Variants in ATP9A observed in about 807,000 individuals in gnomAD.
The protein encoded by ATP9A is probable phospholipid-transporting ATPase IIA.
ATP9A carries 52 observed loss-of-function variants against 144.1 expected under a neutral mutation model. That is an observed-to-expected ratio of 0.36 (90% CI 0.29 to 0.45). ATP9A has a LOEUF of 0.45. Among genes scored for constraint, ATP9A ranks in the 20% least tolerant of loss-of-function variants. The probability of loss-of-function intolerance (pLI) is 1.00; values close to 1 mark genes in which losing one functional copy is unlikely to be tolerated. For missense variants in ATP9A, 947 were observed against 1,392.7 expected (o/e 0.68, Z 5.09); for synonymous variants, 582 against 557.4 (o/e 1.04, Z -0.62).
At chr20:51,604,009 G>A (rs1019239105) in intron 27 of ATP9A, among the ~76,000 whole-genome samples, 3 of 152,084 alleles carry the variant, frequency 2.0e-5, no homozygotes, top group African/African-American at 7.2e-5. Flanking sequence ...TCAAACTCCT[G>A]ACCTCGTGAT....
intron 3 of ATP9A, among the ~76,000 whole-genome samples, chr20:51,715,255 A>G (rs1431301564): frequency 1.3e-5 from 2 of 152,206 alleles, no homozygotes; most frequent in African/African-American, 4.8e-5. Flanking sequence ...ATACATCTTT[A>G]CAATCAAAGG....
Position 51,729,970 on chromosome 20 carries a change from T to C in ATP9A, c.77A>G (p.Glu26Gly). 1 of 1,542,222 alleles carries C rather than the reference T, an allele frequency of 6.5e-7. No individual in the cohort carries two copies. The highest frequency in any genetic ancestry group is 8.7e-7 in the Non-Finnish European group (1 of 1,149,824). The change falls in exon 2 of 28, where the codon GAG becomes GGG. Residue 26 changes from glutamate to glycine, a missense_variant. Transcript: ENST00000338821. Reference protein sequence around the residue: ...MDSRPRAGCCEWLRCCGGGEA... With the variant: ...MDSRPRAGCCGWLRCCGGGEA... Reference sequence around the variant, plus strand: ...CCCTCCACCGCAGCATCTCAGCCACTCGCAGCACCTGTGGGAAAGAAACCC... The same window carrying C: ...CCCTCCACCGCAGCATCTCAGCCACCCGCAGCACCTGTGGGAAAGAAACCC...
chr20:51,624,527 T>C (rs2077239893), intron 18 of ATP9A, among the ~76,000 whole-genome samples: 1 of 152,156 alleles, frequency 6.6e-6, no homozygotes, highest in Non-Finnish European at 1.5e-5. Context: ...ACGGTCACTC[T>C]GCTGGGTGGT....
chr20:51,743,676 T>A (rs1437678773), intron 1 of ATP9A, among the ~76,000 whole-genome samples: 2 of 146,694 alleles, frequency 1.4e-5, no homozygotes, highest in Non-Finnish European at 3.0e-5. Flanking sequence ...GTGCTGGGAT[T>A]ATAGGCATGA....
chr20:51,695,677 G>A (rs545311215), intron 6 of ATP9A, among the ~76,000 whole-genome samples: 3 of 152,038 alleles, frequency 2.0e-5, no homozygotes, highest in Admixed American at 6.6e-5. Flanking sequence ...CAGAAAAGAC[G>A]CCCACCTCTC....
At chr20:51,762,802 T>G (rs1296665705) in intron 1 of ATP9A, among the ~76,000 whole-genome samples, 2 of 146,838 alleles carry the variant, frequency 1.4e-5, no homozygotes, top group African/African-American at 5.1e-5. Context: ...CTACGCTTCC[T>G]GGGCTCAAGC....
At chr20:51,662,536 C>A (rs1201616381) in intron 13 of ATP9A, among the ~76,000 whole-genome samples, 1 of 137,196 alleles carries the variant, frequency 7.3e-6, no homozygotes, top group Non-Finnish European at 1.6e-5. Context: ...CAGAGCAAGA[C>A]TCTGTCTCAA....
At chr20:51,623,923 T>G (rs1644037013) in intron 18 of ATP9A, among the ~76,000 whole-genome samples, 1 of 152,002 alleles carries the variant, frequency 6.6e-6, no homozygotes, top group African/African-American at 2.4e-5. Context: ...AACAGGAAAC[T>G]AGAATGGTAA....
At chr20:51,724,173 A>AAAAT (rs149548710) in intron 3 of ATP9A, among the ~76,000 whole-genome samples, 10,173 of 152,030 alleles carry the variant, frequency 0.067, 785 homozygotes, top group African/African-American at 0.19. Context: ...CTCCATCTCA[A>AAAAT]AAATAAATAA....
At chr20:51,739,552 C>T (rs916927349) in intron 1 of ATP9A, among the ~76,000 whole-genome samples, 4 of 151,944 alleles carry the variant, frequency 2.6e-5, no homozygotes, top group African/African-American at 7.3e-5. Flanking sequence ...GACAGGGTTT[C>T]ACCTTGTTAG....
chr20:51,747,100 T>A (rs987155451), intron 1 of ATP9A, among the ~76,000 whole-genome samples: 1 of 80,784 alleles, frequency 1.2e-5, no homozygotes, highest in Non-Finnish European at 3.1e-5. Context: ...GGTTTTTCGT[T>A]TTTTTTTTTT....
chr20:51,720,055 A>C (rs1222535692), intron 3 of ATP9A, among the ~76,000 whole-genome samples: 1 of 152,222 alleles, frequency 6.6e-6, no homozygotes, highest in Non-Finnish European at 1.5e-5. Context: ...TCAATGAATC[A>C]ATCAATAAAA....
At chr20:51,661,813 G>A (rs139284389) in intron 13 of ATP9A, among the ~76,000 whole-genome samples, 1 of 151,956 alleles carries the variant, frequency 6.6e-6, no homozygotes, top group Non-Finnish European at 1.5e-5. Context: ...ACCTCCAAAT[G>A]AATCAGCTGA....
chr20:51,718,626 T>C (rs1400372035), intron 3 of ATP9A, among the ~76,000 whole-genome samples: 1 of 150,936 alleles, frequency 6.6e-6, no homozygotes, highest in Admixed American at 6.6e-5. Flanking sequence ...GAGACCAGCC[T>C]GGCCAACATG....
chr20:51,689,953 A>T (rs1332341414), intron 8 of ATP9A, among the ~76,000 whole-genome samples: 1 of 151,234 alleles, frequency 6.6e-6, no homozygotes, highest in African/African-American at 2.4e-5. Context: ...TCTACTAAAA[A>T]TACAAAAAAT....
At chr20:51,680,907 C>A (rs2077497268) in intron 9 of ATP9A, among the ~76,000 whole-genome samples, 1 of 152,252 alleles carries the variant, frequency 6.6e-6, no homozygotes, top group South Asian at 2.1e-4. Flanking sequence ...GCAGGGCAGG[C>A]AATGCCATCA....
intron 27 of ATP9A, among the ~76,000 whole-genome samples, chr20:51,603,884 G>A (rs1451089031): frequency 2.0e-5 from 3 of 152,246 alleles, no homozygotes; most frequent in East Asian, 1.9e-4. Flanking sequence ...GGGTTCAGGC[G>A]ATTCTTCTGC....
At position 51,617,633 on chromosome 20, in the gene ATP9A, T is replaced by G. The variant is rs2077208740; in HGVS notation, c.2351-79A>C. ...GAATGTATGCTTGTCTTTACCGCAC[T>G]CTCGTCTTTCACGGAGCGCTTGCTG... On this transcript the variant is annotated intron_variant, in intron 21 of 27. Coordinates refer to ENST00000338821, the MANE Select transcript of ATP9A (RefSeq NM_006045.3). 2.6e-6 allele frequency: 4 copies of G among 1,512,090 alleles called. No homozygotes were observed. The Admixed American group carries it at 7.7e-5, about 29-fold the overall frequency. The allele number at this position is 1,512,090 out of a possible 1,614,324, so 93.7% of individuals were successfully genotyped here.
chr20:51,688,451 G>A (rs929010057), intron 9 of ATP9A, among the ~76,000 whole-genome samples: 2 of 152,034 alleles, frequency 1.3e-5, no homozygotes, highest in African/African-American at 4.8e-5. Context: ...AAATTAGCCA[G>A]CGTGGTGGTG....
Sources: gnomAD v4.1 joint callset for allele counts (sites outside exome capture counted in the v4.1 genomes callset) on GRCh38, gnomAD v4.1.1 for gene constraint, MANE v1.5 for transcripts, NCBI Gene and HGNC (gene_info 2026-07-23, HGNC 2026-07-21) for gene names.